LINGO3: variants seen among roughly 807,000 people sequenced by gnomAD.
LINGO3 encodes the protein leucine-rich repeat and immunoglobulin-like domain-containing nogo receptor-interacting protein 3.
For synonymous variants in LINGO3, 427 were observed against 444.2 expected (o/e 0.96, Z 0.49); for missense variants, 750 against 867.7 (o/e 0.86, Z 1.70).
downstream of LINGO3, among the ~76,000 whole-genome samples, chr19:2,289,583 G>A (rs2025497727): frequency 6.6e-6 from 1 of 152,012 alleles, no homozygotes; most frequent in Non-Finnish European, 1.5e-5. Flanking sequence ...TGCGATCTGT[G>A]TACAAAGGGC....
At chr19:2,289,936 G>A in exon 1 of LINGO3, 1 of 1,371,230 alleles carries the variant, frequency 7.3e-7, no homozygotes, top group Non-Finnish European at 9.9e-7. Flanking sequence ...GAAATGCATA[G>A]GTGGACACGC....
At chr19:2,291,601 A>G (rs1389711005) in exon 1 of LINGO3, 1 of 1,521,240 alleles carries the variant, frequency 6.6e-7, no homozygotes, top group African/African-American at 1.4e-5. Flanking sequence ...GCTGAGCTCC[A>G]GCAGGCGGGT....
chr19:2,294,071 T>A (rs540222596), upstream of LINGO3, among the ~76,000 whole-genome samples: 141 of 152,200 alleles, frequency 9.3e-4, no homozygotes, highest in Non-Finnish European at 1.6e-3. The surrounding 1 kb of genome is among the most constrained non-coding windows in gnomAD (Gnocchi z 4.3). Flanking sequence ...AAAGGTATGT[T>A]CACGTCCTGC....
the LINGO3 span, among the ~76,000 whole-genome samples, chr19:2,306,539 C>T: frequency 7.2e-5 from 11 of 152,278 alleles, no homozygotes; most frequent in East Asian, 9.7e-4. Flanking sequence ...TGGGGGTGGA[C>T]GGCTGAGGCT....
Position 2,290,053 on chromosome 19 carries a change from G to A in LINGO3, c.1724C>T (p.Pro575Leu), listed in dbSNP as rs1234224817. 1 of 1,555,444 alleles carries A rather than the reference G, an allele frequency of 6.4e-7. No homozygotes were observed. The highest frequency in any genetic ancestry group is 1.4e-5 in the African/African-American group (1 of 73,132). ...GCCTCCCTGGCCCGCCGCGGCGGCC[G>A]GCCCATCCACCTTGCGGAAGGAGTA... is the stretch of plus-strand genomic sequence containing the variant. Residue 575 changes from proline to leucine, a missense_variant, in exon 1 of 1, where the codon CCG (proline) becomes CTG (leucine). By Grantham distance (98) the Pro-to-Leu change is moderately conservative (BLOSUM62 -3). Transcript: ENST00000585527. The surrounding 1 kb of genome is among the most constrained non-coding windows in gnomAD (Gnocchi z 6.0).
chr19:2,292,329 T>C (rs1022584952), upstream of LINGO3, among the ~76,000 whole-genome samples: 4 of 140,092 alleles, frequency 2.9e-5, no homozygotes, highest in African/African-American at 8.1e-5. Context: ...GCCCAGGGGG[T>C]TGAGGCCACA....
the LINGO3 span, among the ~76,000 whole-genome samples, chr19:2,297,715 C>A: frequency 6.6e-6 from 1 of 151,868 alleles, no homozygotes; most frequent in African/African-American, 2.4e-5. Flanking sequence ...AGTGATTCTC[C>A]TGTCTCAGCC....
the LINGO3 span, among the ~76,000 whole-genome samples, chr19:2,298,802 G>A: frequency 2.6e-5 from 4 of 152,164 alleles, no homozygotes; most frequent in African/African-American, 9.7e-5. Flanking sequence ...GCCTCTCAAA[G>A]TGCTGGGATT....
exon 1 of LINGO3, chr19:2,291,529 A>T: frequency 6.2e-7 from 1 of 1,606,452 alleles, no homozygotes. Flanking sequence ...GCTCAGGTCC[A>T]GCTCCTCCAG....
At chr19:2,289,934 T>C in exon 1 of LINGO3, 1 of 1,356,538 alleles carries the variant, frequency 7.4e-7, no homozygotes, top group Non-Finnish European at 1.0e-6. Flanking sequence ...GGGAAATGCA[T>C]AGGTGGACAC....
the LINGO3 span, among the ~76,000 whole-genome samples, chr19:2,300,214 T>C: frequency 2.6e-5 from 4 of 151,250 alleles, no homozygotes; most frequent in Non-Finnish European, 5.9e-5. Context: ...GTAGTTTTAG[T>C]AGAGACGGGG....
chr19:2,303,912 T>C, the LINGO3 span, among the ~76,000 whole-genome samples: 23,758 of 152,212 alleles, frequency 0.16, 2,900 homozygotes, highest in African/African-American at 0.33. Context: ...GGCCACTGAC[T>C]GCCTTGGGCA....
chr19:2,297,398 A>G, the LINGO3 span, among the ~76,000 whole-genome samples: 23 of 134,764 alleles, frequency 1.7e-4, no homozygotes, highest in South Asian at 2.5e-4. Flanking sequence ...TCCGCCTCCC[A>G]GGTTCACGCC....
At chr19:2,291,621 G>C in exon 1 of LINGO3, 1 of 1,475,110 alleles carries the variant, frequency 6.8e-7, no homozygotes, top group Non-Finnish European at 8.9e-7. Flanking sequence ...TCTCGGCCGG[G>C]ATGCCGTCGG....
At position 2,290,985 on chromosome 19, in the gene LINGO3, G is replaced by A; in HGVS notation, c.792C>T (p.Ala264=). The change falls in exon 1 of 1, where the codon GCC becomes GCT. Residue 264 remains alanine (A), a synonymous_variant. Coordinates refer to ENST00000585527, the Ensembl canonical transcript of LINGO3. The surrounding 1 kb of genome is among the most constrained non-coding windows in gnomAD (Gnocchi z 6.0). ...TGAGGTGCGCCTGGTGCCGCAGCGC[G>A]GCGGCCGGCACGGCGGTGATGTTGG... The A allele has an allele frequency of 6.2e-7, 1 of 1,611,770 alleles. No homozygotes were observed. The highest frequency in any genetic ancestry group is 8.5e-7 in the Non-Finnish European group (1 of 1,179,506).
At position 2,291,051 on chromosome 19, in the gene LINGO3, G is replaced by A; in HGVS notation, c.726C>T (p.Ser242=). The A allele has an allele frequency of 1.9e-6, 3 of 1,610,050 alleles. No homozygotes were observed. In the South Asian group the frequency reaches 3.3e-5, roughly 18 times the overall value. Reference sequence around the variant, plus strand: ...GCGAGGTCAGGTTCAGGCCCCGCAGGCTGCCCGCCGCCACCTCCTCCAGCA... The same window carrying A: ...GCGAGGTCAGGTTCAGGCCCCGCAGACTGCCCGCCGCCACCTCCTCCAGCA... Residue 242 remains serine, a synonymous_variant, in exon 1 of 1, where the codon AGC becomes AGT. Coordinates refer to ENST00000585527, the Ensembl canonical transcript of LINGO3.
chr19:2,306,240 G>C, the LINGO3 span, among the ~76,000 whole-genome samples: 1 of 152,256 alleles, frequency 6.6e-6, no homozygotes, highest in African/African-American at 2.4e-5. Flanking sequence ...CTTAGCTGCA[G>C]ACAGTCAGCA....
the LINGO3 span, among the ~76,000 whole-genome samples, chr19:2,299,447 G>A: frequency 6.6e-6 from 1 of 151,102 alleles, no homozygotes; most frequent in Non-Finnish European, 1.5e-5. Context: ...TTTTTGAGAT[G>A]GAGTCTCGCT....
chr19:2,297,507 G>A, the LINGO3 span, among the ~76,000 whole-genome samples: 3 of 150,536 alleles, frequency 2.0e-5, no homozygotes, highest in Admixed American at 6.6e-5. Context: ...ATTTCACCAC[G>A]TTGGCCAGGA....
Sources: gnomAD v4.1 joint callset for allele counts (sites outside exome capture counted in the v4.1 genomes callset) on GRCh38, gnomAD v4.1.1 for gene constraint, Gnocchi (gnomAD v3.1) non-coding constraint, MANE v1.5 for transcripts, NCBI Gene and HGNC (gene_info 2026-07-23, HGNC 2026-07-21) for gene names.